RPGRIP1L: variants seen among roughly 807,000 people sequenced by gnomAD.
RPGRIP1L encodes the protein RPGRIP1 like, also known as protein fantom.
A neutral mutation model predicts 160.4 loss-of-function variants in RPGRIP1L; 131 were observed. That is an observed-to-expected ratio of 0.82 (90% CI 0.71 to 0.94). RPGRIP1L has a LOEUF of 0.94. RPGRIP1L is among the 40% of genes least tolerant of loss of function. The pLI, the probability that RPGRIP1L is intolerant of heterozygous loss-of-function variation, is 0.00. For synonymous variants in RPGRIP1L, 510 were observed against 515.8 expected, an observed-to-expected ratio of 0.99 and a Z score of 0.15; for missense variants, 1,522 against 1,535.8, an observed-to-expected ratio of 0.99 and a Z score of 0.15.
chr16:53,670,287 CAA>C (rs1968605643), intron 9 of RPGRIP1L, among the ~76,000 whole-genome samples: 1 of 152,004 alleles, frequency 6.6e-6, no homozygotes, highest in African/African-American at 2.4e-5. Flanking sequence ...AAAAATAAGA[CAA>C]AGAGCTAAAA....
At chr16:53,697,572 C>T (rs540771103) in intron 2 of RPGRIP1L, among the ~76,000 whole-genome samples, 25 of 152,334 alleles carry the variant, frequency 1.6e-4, no homozygotes, top group Admixed American at 1.3e-3. Flanking sequence ...CTGTGTTGGC[C>T]GGGCTGGTCT....
At chr16:53,676,069 T>A (rs1394122099) in intron 6 of RPGRIP1L, among the ~76,000 whole-genome samples, 1 of 152,150 alleles carries the variant, frequency 6.6e-6, no homozygotes, top group Admixed American at 6.6e-5. Flanking sequence ...AGTGTACACA[T>A]ATTGGAAAAA....
rs760347218 is a variant in RPGRIP1L at position 53,637,742 on chromosome 16, G to C, written c.3173C>G (p.Ala1058Gly). ...TATTTCTGTTTCATCTTCAGAAGAT[G>C]CCAAGCTTTGTTCTGCAAGCTGACC... ...SEGQLAEQSL[A>G]SSEDETEITE... The change falls in exon 21 of 27, where the codon GCA becomes GGA. Residue 1058 changes from alanine to glycine, a missense_variant. Ala to Gly is a moderately conservative substitution (Grantham distance 60). Transcript: ENST00000647211. 1 of 1,612,226 alleles carries C rather than the reference G, an allele frequency of 6.2e-7. No homozygotes were observed. Among genetic ancestry groups the C allele is most frequent in the Non-Finnish European group, 8.5e-7 (1 of 1,179,744 alleles).
chr16:53,609,559 G>A (rs749689642), intron 25 of RPGRIP1L, among the ~76,000 whole-genome samples: 1 of 152,150 alleles, frequency 6.6e-6, no homozygotes, highest in Admixed American at 6.5e-5. Flanking sequence ...GAAACAAAGC[G>A]AACACAGAGG....
chr16:53,648,749 C>T (rs1211068327), intron 16 of RPGRIP1L, among the ~76,000 whole-genome samples: 2 of 151,654 alleles, frequency 1.3e-5, no homozygotes, highest in Non-Finnish European at 2.9e-5. Flanking sequence ...TATAGTTATG[C>T]AAGACGTTAC....
intron 10 of RPGRIP1L, among the ~76,000 whole-genome samples, chr16:53,660,678 G>A (rs1003697564): frequency 1.9e-4 from 29 of 151,670 alleles, no homozygotes; most frequent in African/African-American, 6.8e-4. Flanking sequence ...GGTGGATCGC[G>A]AGGTCAGGAG....
intron 6 of RPGRIP1L, among the ~76,000 whole-genome samples, chr16:53,686,112 A>G (rs1057258757): frequency 2.0e-5 from 3 of 152,190 alleles, no homozygotes; most frequent in African/African-American, 2.4e-5. Flanking sequence ...CTTGTCACCC[A>G]TATTTCTCTC....
chr16:53,679,346 T>C (rs1969437915), intron 6 of RPGRIP1L, among the ~76,000 whole-genome samples: 1 of 152,092 alleles, frequency 6.6e-6, no homozygotes, highest in African/African-American at 2.4e-5. Flanking sequence ...ATTTTTACGG[T>C]CAAGTTTAAT....
Position 53,636,532 on chromosome 16 carries a change from G to A in RPGRIP1L, c.3221-20C>T, listed in dbSNP as rs750043137. The A allele has an allele frequency of 2.5e-6, 4 of 1,572,942 alleles. No individual in the cohort carries two copies. The East Asian group carries it at 6.7e-5, about 26-fold the overall frequency. On this transcript the variant is annotated intron_variant, in intron 21 of 26. Transcript: ENST00000647211. The stretch of plus-strand genomic sequence containing the variant: ...CTTCAACTGTTTAAAAAATAAAAGG[G>A]TAACATTTACACAAGTTAAACCAAT...
chr16:53,655,966 G>A (rs1187778597), intron 14 of RPGRIP1L, among the ~76,000 whole-genome samples: 5 of 152,324 alleles, frequency 3.3e-5, no homozygotes, highest in Admixed American at 2.0e-4. Flanking sequence ...AAGAACAAAG[G>A]CATGGCAGTG....
intron 4 of RPGRIP1L, among the ~76,000 whole-genome samples, chr16:53,688,951 T>C (rs1037984783): frequency 6.6e-6 from 1 of 151,918 alleles, no homozygotes; most frequent in African/African-American, 2.4e-5. Context: ...GTAATGCTAA[T>C]TCTTACGCTT....
intron 10 of RPGRIP1L, among the ~76,000 whole-genome samples, chr16:53,660,556 TA>T (rs766677969): frequency 1.1e-4 from 16 of 147,040 alleles, no homozygotes; most frequent in Admixed American, 6.8e-4. Flanking sequence ...AGTAAAAAAA[TA>T]AAAAAATAAA....
chr16:53,653,157 TTC>T (rs1476965121), intron 14 of RPGRIP1L, 170 bp from the exon 15 acceptor site: 11 of 419,866 alleles, frequency 2.6e-5, no homozygotes, highest in African/African-American at 2.2e-4. Flanking sequence ...AATTTATCAT[TTC>T]TGTTTTGACA....
chr16:53,605,448 G>GTT, intron 26 of RPGRIP1L, 33 bp downstream of exon 26: 1 of 1,613,388 alleles, frequency 6.2e-7, no homozygotes, highest in South Asian at 1.1e-5. Flanking sequence ...GCAATTGTTG[G>GTT]TTGCACAAAC....
chr16:53,700,802 A>T (rs1246060667), intron 1 of RPGRIP1L, 72 bp from the exon 2 acceptor site: 2 of 1,186,598 alleles, frequency 1.7e-6, no homozygotes, highest in Non-Finnish European at 2.5e-6. Flanking sequence ...AATGAACCAA[A>T]TAAAACGAAA....
In RPGRIP1L at chr16:53,608,843, C is replaced by T. The variant is rs188259854; in HGVS notation, c.3701+2124G>A. Among the ~76,000 whole-genome samples, 36 of 152,088 alleles carry T rather than the reference C, an allele frequency of 2.4e-4. 1 individual carries two copies. In the East Asian group the frequency reaches 3.9e-3, roughly 16 times the overall value. On this transcript the variant is annotated intron_variant, in intron 25 of 26. Transcript: ENST00000647211. ...GGCTGTGGAAAAACATACATGTAAACGCCTCTTTCCCTTAGGACAATGATA... is the reference window on the plus strand; with the variant it reads ...GGCTGTGGAAAAACATACATGTAAATGCCTCTTTCCCTTAGGACAATGATA...
At chr16:53,695,417 C>A (rs781248468) in intron 3 of RPGRIP1L, 2 of 702,942 alleles carry the variant, frequency 2.8e-6, no homozygotes, top group South Asian at 3.0e-5. Context: ...CAGAAAAACC[C>A]TATTTTCATT....
At chr16:53,647,435 C>G (rs1327048839) in intron 16 of RPGRIP1L, among the ~76,000 whole-genome samples, 1 of 152,180 alleles carries the variant, frequency 6.6e-6, no homozygotes, top group African/African-American at 2.4e-5. Context: ...GTTCATTACT[C>G]TCTTTCTTCA....
chr16:53,617,073 C>CAAAAAAA (rs397945611), intron 24 of RPGRIP1L, among the ~76,000 whole-genome samples: 5 of 21,848 alleles, frequency 2.3e-4, no homozygotes, highest in Admixed American at 7.2e-4. Context: ...CCTTGCATCA[C>CAAAAAAA]AAAAAAAAAA....
Sources: gnomAD v4.1 joint callset for allele counts (sites outside exome capture counted in the v4.1 genomes callset) on GRCh38, gnomAD v4.1.1 for gene constraint, MANE v1.5 for transcripts, NCBI Gene and HGNC (gene_info 2026-07-23, HGNC 2026-07-21) for gene names.